The following EBF1 variants were observed in gnomAD, a reference collection of about 807,000 sequenced individuals.
EBF1 encodes the protein transcription factor COE1.
In EBF1, 10 loss-of-function variants were observed where a neutral mutation model predicts 68.4. The ratio of observed to expected loss-of-function variants is 0.15; its 90% CI spans 0.09 to 0.25. EBF1 has a LOEUF of 0.25. EBF1 is among the 10% of genes least tolerant of loss of function. The pLI is 1.00. For missense variants in EBF1, 509 were observed against 794.4 expected, an observed-to-expected ratio of 0.64 and a Z score of 4.32; for synonymous variants, 298 against 299.8, an observed-to-expected ratio of 0.99 and a Z score of 0.06.
At chr5:158,919,146 C>T (rs183594259) in intron 6 of EBF1, among the ~76,000 whole-genome samples, 2 of 152,306 alleles carry the variant, frequency 1.3e-5, no homozygotes, top group Non-Finnish European at 2.9e-5. Flanking sequence ...CTCTCCAGTG[C>T]TGACATGGGT....
intron 8 of EBF1, among the ~76,000 whole-genome samples, chr5:158,802,773 G>A (rs11750796): frequency 0.078 from 11,916 of 152,154 alleles, 521 homozygotes; most frequent in South Asian, 0.11. Flanking sequence ...ACCTCACAGA[G>A]TTCCAGCAAA....
chr5:158,787,701 G>A (rs775375711), intron 9 of EBF1, among the ~76,000 whole-genome samples: 6 of 152,114 alleles, frequency 3.9e-5, no homozygotes, highest in Admixed American at 2.0e-4. Context: ...TTGGGGAAAG[G>A]GGGAGAGAGT....
chr5:159,054,291 A>G (rs936212638), intron 6 of EBF1, among the ~76,000 whole-genome samples: 22 of 152,212 alleles, frequency 1.4e-4, no homozygotes, highest in African/African-American at 5.1e-4. Context: ...GAAAGGGCCT[A>G]TTCTGTACCT....
In EBF1 at chr5:159,097,091, C is replaced by T. The variant is rs200099807; in HGVS notation, c.174G>A (p.Pro58=). Residue 58 remains proline (P), a synonymous_variant, in exon 2 of 16, where the codon CCG becomes CCA. Transcript: ENST00000313708. ...AGTTGGATTTCCGCAGATTGGAAGG[C>T]GGCTGCTTCTCAAAGTGAGCCCGGG... ...GLARAHFEKQ[P]PSNLRKSNFF... The T allele has an allele frequency of 3.1e-6, 5 of 1,613,716 alleles. No homozygotes were observed. The highest frequency in any genetic ancestry group is 1.7e-5 in the Admixed American group (1 of 59,994).
intron 6 of EBF1, among the ~76,000 whole-genome samples, chr5:158,909,710 G>A (rs375104356): frequency 1.5e-4 from 23 of 152,130 alleles, no homozygotes; most frequent in African/African-American, 4.1e-4. Flanking sequence ...AGGCCGAGGC[G>A]GGAGGATCAC....
intron 10 of EBF1, among the ~76,000 whole-genome samples, chr5:158,775,172 T>C (rs954494015): frequency 1.3e-5 from 2 of 152,056 alleles, no homozygotes; most frequent in East Asian, 1.9e-4. Context: ...CAGTGTGATA[T>C]AGATTTTCTA....
At position 158,782,832 on chromosome 5, in the gene EBF1, T is replaced by C. The variant is rs1267568213; in HGVS notation, c.910-5293A>G. Among the ~76,000 whole-genome samples the C allele has an allele frequency of 2.0e-5, 3 of 151,998 alleles. No individual in the cohort carries two copies. In the East Asian group the frequency reaches 5.8e-4, roughly 29 times the overall value. On this transcript the variant is annotated intron_variant, in intron 9 of 15. Coordinates refer to ENST00000313708, the MANE Select transcript of EBF1 (RefSeq NM_024007.5). Reference sequence around the variant, plus strand: ...ATCATTATCCATGAGTCCAGGTGAGTCTACTGTTCTTAACCTGATAATACT... The same window carrying C: ...ATCATTATCCATGAGTCCAGGTGAGCCTACTGTTCTTAACCTGATAATACT...
intron 6 of EBF1, among the ~76,000 whole-genome samples, chr5:159,030,712 A>G (rs908101231): frequency 6.6e-6 from 1 of 152,236 alleles, no homozygotes; most frequent in Non-Finnish European, 1.5e-5. Flanking sequence ...TCCTGAGCAC[A>G]TTAAAGGAAT....
At chr5:159,066,638 C>T (rs1734417300) in intron 6 of EBF1, among the ~76,000 whole-genome samples, 1 of 151,020 alleles carries the variant, frequency 6.6e-6, no homozygotes, top group East Asian at 1.9e-4. Flanking sequence ...CAGACACACA[C>T]ACACACACAC....
chr5:158,808,858 T>C (rs560244319), intron 8 of EBF1, among the ~76,000 whole-genome samples: 1 of 152,284 alleles, frequency 6.6e-6, no homozygotes, highest in Admixed American at 6.5e-5. Context: ...TATTTTTTTA[T>C]GAAAGATATA....
chr5:158,754,355 ACTTTT>A (rs2127597605), intron 10 of EBF1, among the ~76,000 whole-genome samples: 1 of 152,212 alleles, frequency 6.6e-6, no homozygotes, highest in Non-Finnish European at 1.5e-5. Flanking sequence ...TCAGGCAATG[ACTTTT>A]CATTGAACTC....
chr5:158,835,603 G>T (rs1788589383), intron 7 of EBF1, among the ~76,000 whole-genome samples: 1 of 152,094 alleles, frequency 6.6e-6, no homozygotes, highest in Admixed American at 6.5e-5. Context: ...TTTGTGGGGG[G>T]TCATTAGGGC....
chr5:158,774,775 C>T (rs901326454), intron 10 of EBF1, among the ~76,000 whole-genome samples: 6 of 152,076 alleles, frequency 3.9e-5, no homozygotes, highest in Non-Finnish European at 7.4e-5. Context: ...GAACAAGCAA[C>T]GCATGGTAGA....
At chr5:158,743,072 A>G (rs1766770037) in intron 10 of EBF1, among the ~76,000 whole-genome samples, 1 of 152,250 alleles carries the variant, frequency 6.6e-6, no homozygotes, top group Non-Finnish European at 1.5e-5. Flanking sequence ...GCACTGTGCC[A>G]TACCCTTGAG....
At chr5:158,941,264 G>A (rs1331703575) in intron 6 of EBF1, 1 of 455,928 alleles carries the variant, frequency 2.2e-6, no homozygotes, top group Non-Finnish European at 4.4e-6. Context: ...AAACAATGCA[G>A]ACTGGAGACG....
intron 11 of EBF1, among the ~76,000 whole-genome samples, chr5:158,717,315 T>TA (rs1264531740): frequency 6.6e-6 from 1 of 152,170 alleles, no homozygotes; most frequent in Non-Finnish European, 1.5e-5. Context: ...CCTTGGATGT[T>TA]AAAAAAAGAA....
At chr5:158,908,252 T>A (rs1805102393) in intron 6 of EBF1, among the ~76,000 whole-genome samples, 1 of 152,256 alleles carries the variant, frequency 6.6e-6, no homozygotes, top group Non-Finnish European at 1.5e-5. Flanking sequence ...GCATTTTTTA[T>A]CTTTGTGCAC....
intron 6 of EBF1, among the ~76,000 whole-genome samples, chr5:158,963,358 G>C (rs1367381316): frequency 2.0e-5 from 3 of 152,268 alleles, no homozygotes; most frequent in Admixed American, 1.3e-4. Flanking sequence ...TGACAGTACA[G>C]GTTCTTTGAA....
At chr5:159,099,241 G>T in intron 1 of EBF1, 104 bp downstream of exon 1, 2 of 1,003,516 alleles carry the variant, frequency 2.0e-6, no homozygotes, top group African/African-American at 1.9e-5. Context: ...GACTCACCCC[G>T]CCGCCCGGCC....
Sources: gnomAD v4.1 joint callset for allele counts (sites outside exome capture counted in the v4.1 genomes callset) on GRCh38, gnomAD v4.1.1 for gene constraint, MANE v1.5 for transcripts, NCBI Gene and HGNC (gene_info 2026-07-23, HGNC 2026-07-21) for gene names.